The following SATL1 variants were observed in gnomAD, a reference collection of about 807,000 sequenced individuals.
SATL1 encodes the protein spermidine/spermine N1-acetyl transferase like 1.
SATL1 carries 47 observed loss-of-function variants against 51.8 expected under a neutral mutation model. That is an observed-to-expected ratio of 0.91 (90% CI 0.72 to 1.16). SATL1 has a LOEUF of 1.16. Ranked by LOEUF, SATL1 falls within the 50% of genes most tolerant of loss-of-function variation. SATL1 has a pLI of 0.00. For missense variants in SATL1, 520 were observed against 526.4 expected (o/e 0.99, Z 0.12); for synonymous variants, 176 against 182.4 (o/e 0.97, Z 0.28).
At chrX:85,101,758 C>T (rs893742363) in intron 4 of SATL1, among the ~76,000 whole-genome samples, 1 of 110,924 alleles carries the variant, frequency 9.0e-6, no homozygotes, top group African/African-American at 3.3e-5. Context: ...TCACAATAGC[C>T]AAAATTTGGA....
chrX:85,112,167 A>G lies in SATL1; in HGVS notation c.-312-2887T>C, dbSNP rs149343615. 3.4e-3 allele frequency among the ~76,000 whole-genome samples: 378 copies of G among 111,178 alleles called. 7 individuals carry two copies. In the East Asian group the frequency reaches 0.078, roughly 23 times the overall value. On this transcript the variant is annotated intron_variant, in intron 2 of 7. Coordinates refer to ENST00000644105, the MANE Select transcript of SATL1 (RefSeq NM_001367857.2). ...GGAGTTTGAGACCAGCTTGGCCAAC[A>G]TGGTGAAACCCTGTCTGTATTAAAA... is the stretch of plus-strand genomic sequence containing the variant.
At chrX:85,235,611 A>G (rs924752773) in intron 1 of SATL1, among the ~76,000 whole-genome samples, 1 of 111,455 alleles carries the variant, frequency 9.0e-6, no homozygotes, top group Non-Finnish European at 1.9e-5. Context: ...AGAAATGAAG[A>G]AGGAAACTGA....
chrX:85,225,662 T>C (rs992762941), intron 1 of SATL1, among the ~76,000 whole-genome samples: 3 of 111,739 alleles, frequency 2.7e-5, no homozygotes, highest in African/African-American at 9.8e-5. Flanking sequence ...CAAAGAGATA[T>C]AAGAGAACAT....
intron 3 of SATL1, among the ~76,000 whole-genome samples, chrX:85,104,974 A>G (rs1925001584): frequency 9.0e-6 from 1 of 111,240 alleles, no homozygotes; most frequent in African/African-American, 3.3e-5. Context: ...TGGACTCTCC[A>G]TTCTGTCCCA....
At chrX:85,128,948 G>C (rs1417201198) in intron 2 of SATL1, among the ~76,000 whole-genome samples, 1 of 111,882 alleles carries the variant, frequency 8.9e-6, no homozygotes, top group African/African-American at 3.3e-5. Flanking sequence ...TCAAAGATCA[G>C]ATAGTTGTAG....
rs373326791 is a variant in SATL1 at position 85,108,928 on chromosome X, G to A, written c.41C>T (p.Ser14Leu). ...SGTNQSSLSDSNQAGINQPST... is the reference protein window; with the variant it reads ...SGTNQSSLSDLNQAGINQPST... ...TGGCTGGTTTATGCCTGCTTGGTTC[G>A]AGTCTGATAAACTTGATTGGTTCGT... The change falls in exon 3 of 8, where the codon TCG becomes TTG. Residue 14 changes from serine (S) to leucine (L), a missense_variant. Around this residue, in one of 3 missense-constraint regions of SATL1, gnomAD observed 22 missense variants for 23.8 expected, o/e 0.92. Coordinates refer to ENST00000644105, the MANE Select transcript of SATL1 (RefSeq NM_001367857.2). 1.8e-5 allele frequency: 22 copies of A among 1,207,153 alleles called. No individual in the cohort carries two copies. The African/African-American group carries it at 3.5e-4, about 19-fold the overall frequency.
At position 85,173,411 on chromosome X, in the gene SATL1, A is replaced by G. The variant is rs181405281; in HGVS notation, c.-313+50794T>C. ...ATGTATACATAAATTATAGATATAC[A>G]TTTACCAAAATATGGACTGCATTTT... On this transcript the variant is annotated intron_variant, in intron 2 of 7. Coordinates refer to ENST00000644105, the MANE Select transcript of SATL1 (RefSeq NM_001367857.2). 6.3e-5 allele frequency among the ~76,000 whole-genome samples: 7 copies of G among 111,460 alleles called. No homozygotes were observed. The East Asian group carries it at 2.0e-3, about 31-fold the overall frequency.
At chrX:85,156,160 G>A (rs1457729542) in intron 2 of SATL1, among the ~76,000 whole-genome samples, 1 of 111,466 alleles carries the variant, frequency 9.0e-6, no homozygotes, top group East Asian at 2.8e-4. Context: ...CATGGAAAAC[G>A]TTAAAAAAGG....
intron 2 of SATL1, among the ~76,000 whole-genome samples, chrX:85,203,612 C>T (rs1204981806): frequency 1.8e-5 from 2 of 110,725 alleles, no homozygotes; most frequent in Non-Finnish European, 3.8e-5. Flanking sequence ...CGAGGAGGAT[C>T]AGGACCAGGT....
At chrX:85,173,649 G>A in intron 2 of SATL1, among the ~76,000 whole-genome samples, 1 of 110,269 alleles carries the variant, frequency 9.1e-6, no homozygotes, top group East Asian at 2.9e-4. Flanking sequence ...ACTTTTAGAG[G>A]AAAGCATTTC....
intron 2 of SATL1, among the ~76,000 whole-genome samples, chrX:85,201,225 A>C (rs994755010): frequency 9.0e-6 from 1 of 111,366 alleles, no homozygotes; most frequent in Non-Finnish European, 1.9e-5. Context: ...GAAATGTTTT[A>C]CTTAGAGATT....
chrX:85,218,411 G>C (rs1928099408), intron 2 of SATL1, among the ~76,000 whole-genome samples: 1 of 111,609 alleles, frequency 9.0e-6, no homozygotes, highest in Admixed American at 9.5e-5. Flanking sequence ...CCCTGGAATA[G>C]AAAAGTAAAT....
rs747093188 is a variant in SATL1, at chrX:85,118,087, C to CTTTTTTTTT, written c.-312-8816_-312-8808dup. On this transcript the variant is annotated intron_variant, in intron 2 of 7. Transcript: ENST00000644105. ...TTTTGCAAATAAAAAAAGAACTTAG[C>CTTTTTTTTT]TTTTTTTTTTTTTTTTCCAGAGTGC... Among the ~76,000 whole-genome samples, 25 of 46,172 alleles carry CTTTTTTTTT rather than the reference C, an allele frequency of 5.4e-4. 6 individuals are homozygous for CTTTTTTTTT. Among genetic ancestry groups the CTTTTTTTTT allele is most frequent in the Middle Eastern group, 0.024 (1 of 41 alleles). The allele number at this position is 46,172 out of a possible 115,157, so 40.1% of individuals were successfully genotyped here.
At chrX:85,183,945 C>T (rs188137830) in intron 2 of SATL1, among the ~76,000 whole-genome samples, 6 of 111,241 alleles carry the variant, frequency 5.4e-5, no homozygotes, top group East Asian at 5.7e-4. Flanking sequence ...CACCCCACTA[C>T]CTTTCCCAGG....
At chrX:85,229,317 G>T (rs780324496) in intron 1 of SATL1, among the ~76,000 whole-genome samples, 1 of 111,322 alleles carries the variant, frequency 9.0e-6, no homozygotes, top group African/African-American at 3.3e-5. Flanking sequence ...ATGTTATGAG[G>T]CTAGCATTAC....
intron 4 of SATL1, among the ~76,000 whole-genome samples, chrX:85,099,578 G>A (rs1009306537): frequency 9.0e-6 from 1 of 111,489 alleles, no homozygotes; most frequent in East Asian, 2.8e-4. Context: ...TCCTAGGAAC[G>A]TAAGGGTGCA....
At chrX:85,234,534 T>C (rs1928443277) in intron 1 of SATL1, among the ~76,000 whole-genome samples, 1 of 111,634 alleles carries the variant, frequency 9.0e-6, no homozygotes, top group Non-Finnish European at 1.9e-5. Context: ...TAAATAGAAA[T>C]GACAAAAAGT....
chrX:85,166,945 G>GTA (rs1926852768), intron 2 of SATL1, among the ~76,000 whole-genome samples: 33 of 72,630 alleles, frequency 4.5e-4, no homozygotes, highest in East Asian at 1.3e-3. Context: ...ATGTGTATGT[G>GTA]TGTGTGTGTG....
chrX:85,094,148 TA>T lies in SATL1; in HGVS notation c.1855del (p.Tyr619MetfsTer9). On this transcript the variant is annotated frameshift_variant, in exon 6 of 8. Transcript: ENST00000644105. LOFTEE classifies it high-confidence loss of function. ...TTTACCTTGGTAAGCTTGTGTGACA[TA>T]AAAGTCCTCTAGGTAAAGTACCTTG... Reference protein sequence around the residue: ...TGKVLYLEDFYVTQAYQGLGI... With the variant: ...TGKVLYLEDFXVTQAYQGLGI... 5 of 1,173,730 alleles carry T rather than the reference TA, an allele frequency of 4.3e-6. No individual in the cohort carries two copies. The highest frequency in any genetic ancestry group is 5.8e-6 in the Non-Finnish European group (5 of 861,819).
Sources: gnomAD v4.1 joint callset for allele counts (sites outside exome capture counted in the v4.1 genomes callset) on GRCh38, gnomAD v4.1.1 for gene constraint, gnomAD v4.1.1 regional missense constraint, MANE v1.5 for transcripts, NCBI Gene and HGNC (gene_info 2026-07-23, HGNC 2026-07-21) for gene names.